TTC29: variants seen among roughly 807,000 people sequenced by gnomAD.
TTC29 encodes tetratricopeptide repeat domain 29.
In TTC29, 49 loss-of-function variants were observed where a neutral mutation model predicts 58.1. The ratio of observed to expected loss-of-function variants is 0.84; its 90% CI spans 0.67 to 1.07. The LOEUF (loss-of-function observed/expected upper bound fraction) is 1.07. TTC29 is among the 50% of genes least tolerant of loss of function. The pLI is 0.00. For synonymous variants in TTC29, 209 were observed against 196.8 expected (o/e 1.06, Z -0.52); for missense variants, 582 against 555.6 (o/e 1.05, Z -0.48).
chr4:146,724,756 C>T (rs964986341), intron 11 of TTC29, among the ~76,000 whole-genome samples: 3 of 152,078 alleles, frequency 2.0e-5, no homozygotes, highest in African/African-American at 2.4e-5. Flanking sequence ...TCAGGTGATC[C>T]GCCTGCCTCG....
chr4:146,937,607 CT>C lies in TTC29; in HGVS notation c.162del (p.Glu55ArgfsTer33). On this transcript the variant is annotated frameshift_variant, in exon 4 of 13. Coordinates refer to ENST00000325106, the MANE Select transcript of TTC29 (RefSeq NM_031956.4). LOFTEE classifies it high-confidence loss of function. ...YLEVNFKGLSKEEVAAYRNSY... is the reference protein window; with the variant it reads ...YLEVNFKGLSXEEVAAYRNSY... ...GGTTGTACTTACGCAGCAACTTCCTCTTTTGATAATCCTTTGAAATTTACCT... is the reference window on the plus strand; with the variant it reads ...GGTTGTACTTACGCAGCAACTTCCTCTTTGATAATCCTTTGAAATTTACCT... 6.5e-7 allele frequency: 1 copy of C among 1,531,820 alleles called. No individual in the cohort carries two copies. The highest frequency in any genetic ancestry group is 8.8e-7 in the Non-Finnish European group (1 of 1,135,362). The allele number at this position is 1,531,820 out of a possible 1,614,324, so 94.9% of individuals were successfully genotyped here. A position where few individuals can be genotyped will look rare whatever the true frequency, so the allele number is the denominator to read the frequency against.
chr4:146,708,341 T>TGTATATATATATATATATATATATATAC (rs1554002735), intron 11 of TTC29, among the ~76,000 whole-genome samples: 3 of 62,840 alleles, frequency 4.8e-5, no homozygotes, highest in East Asian at 6.4e-4. Flanking sequence ...TATATATATA[T>TGTATATATATATATATATATATATATAC]ATATATATAT....
intron 6 of TTC29, among the ~76,000 whole-genome samples, chr4:146,894,168 T>C (rs1428932734): frequency 6.6e-6 from 1 of 152,118 alleles, no homozygotes; most frequent in African/African-American, 2.4e-5. Flanking sequence ...GACCCAGCAA[T>C]CCCATTACTG....
intron 9 of TTC29, among the ~76,000 whole-genome samples, chr4:146,825,014 A>G (rs1449703916): frequency 1.3e-5 from 2 of 151,986 alleles, no homozygotes; most frequent in African/African-American, 4.8e-5. Flanking sequence ...TAGTCTTGCT[A>G]GCAGTTTATC....
intron 11 of TTC29, among the ~76,000 whole-genome samples, chr4:146,743,070 G>A (rs1013410366): frequency 1.6e-4 from 24 of 151,420 alleles, no homozygotes; most frequent in Admixed American, 9.2e-4. Flanking sequence ...CTCCATCAGC[G>A]TTAGTCAAAG....
chr4:146,867,513 A>C lies in TTC29; in HGVS notation c.870T>G (p.Tyr290Ter), dbSNP rs1730639414. 1 of 1,527,590 alleles carries C rather than the reference A, an allele frequency of 6.5e-7. No individual in the cohort carries two copies. Among genetic ancestry groups the C allele is most frequent in the Non-Finnish European group, 8.8e-7 (1 of 1,134,096 alleles). 94.6% of individuals were successfully genotyped at this position (1,527,590 alleles called of 1,614,324 possible). A position where few individuals can be genotyped will look rare whatever the true frequency, so the allele number is the denominator to read the frequency against. ...TTTAGCTTACTGTTAATGCTGTTTC[A>C]TATTCCTCAGCAGCTAAGTGTGCTA... ...LGLAHLAAEE[Y>*]ETALTVLDTY... Residue 290 changes from tyrosine (Y) to a stop codon, truncating the protein, a stop_gained, in exon 8 of 13, where the codon TAT becomes TAG. Coordinates refer to ENST00000325106, the MANE Select transcript of TTC29 (RefSeq NM_031956.4). LOFTEE classifies it high-confidence loss of function.
chr4:146,727,094 A>G (rs989830755), intron 11 of TTC29, among the ~76,000 whole-genome samples: 23 of 149,944 alleles, frequency 1.5e-4, no homozygotes, highest in African/African-American at 4.6e-4. Flanking sequence ...TAAAATATAT[A>G]ATATAAATTT....
At chr4:146,865,659 T>G (rs1402764152) in intron 8 of TTC29, among the ~76,000 whole-genome samples, 1 of 152,102 alleles carries the variant, frequency 6.6e-6, no homozygotes, top group Admixed American at 6.6e-5. Flanking sequence ...ATCTAAAAGT[T>G]GAAATTATAA....
intron 6 of TTC29, among the ~76,000 whole-genome samples, chr4:146,893,560 GACCTGAA>G (rs765982590): frequency 7.2e-5 from 11 of 152,090 alleles, no homozygotes; most frequent in Non-Finnish European, 1.0e-4. Flanking sequence ...TTAAATGTTA[GACCTGAA>G]ACCATAAAAA....
At chr4:146,826,243 G>T (rs1221227252) in intron 9 of TTC29, among the ~76,000 whole-genome samples, 1 of 152,088 alleles carries the variant, frequency 6.6e-6, no homozygotes, top group East Asian at 1.9e-4. Context: ...TGCAGTGGCT[G>T]GTACCAGTTT....
chr4:146,766,006 G>A (rs1048029180), intron 11 of TTC29, among the ~76,000 whole-genome samples: 36 of 151,988 alleles, frequency 2.4e-4, no homozygotes, highest in African/African-American at 7.7e-4. Flanking sequence ...GGTAAGTTAG[G>A]GGCTTCAGAA....
intron 11 of TTC29, among the ~76,000 whole-genome samples, chr4:146,792,142 A>G (rs1749504432): frequency 6.6e-6 from 1 of 152,204 alleles, no homozygotes; most frequent in South Asian, 2.1e-4. Flanking sequence ...CGTATTTTCA[A>G]TGCAGATGAA....
At chr4:146,750,331 T>G (rs1745889305) in intron 11 of TTC29, among the ~76,000 whole-genome samples, 1 of 152,112 alleles carries the variant, frequency 6.6e-6, no homozygotes, top group Non-Finnish European at 1.5e-5. Context: ...TAAGAAACAT[T>G]TAAGAAAGTT....
At chr4:146,739,866 T>C (rs1237669532) in intron 11 of TTC29, among the ~76,000 whole-genome samples, 2 of 152,200 alleles carry the variant, frequency 1.3e-5, no homozygotes, top group African/African-American at 4.8e-5. Flanking sequence ...TTTGGGTACA[T>C]TGCTAGGCTA....
intron 4 of TTC29, among the ~76,000 whole-genome samples, chr4:146,913,421 C>A (rs61553357): frequency 2.6e-5 from 4 of 151,844 alleles, no homozygotes; most frequent in African/African-American, 7.3e-5. Flanking sequence ...TCTAGCTCCA[C>A]GTCCACAGGA....
chr4:146,820,396 T>C (rs1751736864), intron 9 of TTC29, 148 bp from the exon 10 acceptor site: 2 of 952,684 alleles, frequency 2.1e-6, no homozygotes, highest in East Asian at 2.8e-5. Context: ...TTAAAATATA[T>C]GGCTTGTTTT....
At chr4:146,767,132 G>C (rs1448075374) in intron 11 of TTC29, among the ~76,000 whole-genome samples, 1 of 151,858 alleles carries the variant, frequency 6.6e-6, no homozygotes. Context: ...TATGATCTTA[G>C]TGCAAAGATT....
intron 8 of TTC29, among the ~76,000 whole-genome samples, chr4:146,857,543 G>T (rs1271979428): frequency 1.3e-5 from 2 of 152,160 alleles, no homozygotes; most frequent in African/African-American, 4.8e-5. Context: ...AGAAGCTGGT[G>T]ATGAACTACA....
intron 11 of TTC29, among the ~76,000 whole-genome samples, chr4:146,764,893 G>A (rs545638457): frequency 4.6e-5 from 7 of 150,714 alleles, no homozygotes; most frequent in Non-Finnish European, 7.4e-5. Context: ...CAGCAACTGC[G>A]AAGAGAGTTT....
Sources: gnomAD v4.1 joint callset for allele counts (sites outside exome capture counted in the v4.1 genomes callset) on GRCh38, gnomAD v4.1.1 for gene constraint, MANE v1.5 for transcripts, NCBI Gene and HGNC (gene_info 2026-07-23, HGNC 2026-07-21) for gene names.